NEK10: variants seen among roughly 807,000 people sequenced by gnomAD.
The protein encoded by NEK10 is NIMA related kinase 10.
NEK10 carries 122 observed loss-of-function variants against 159.8 expected under a neutral mutation model. The ratio of observed to expected loss-of-function variants is 0.76; its 90% CI spans 0.66 to 0.89. The LOEUF is 0.89. NEK10 is among the 40% of genes least tolerant of loss of function. NEK10 has a pLI of 0.00. For synonymous variants in NEK10, 466 were observed against 457.1 expected, an observed-to-expected ratio of 1.02 and a Z score of -0.25; for missense variants, 1,342 against 1,323.1, an observed-to-expected ratio of 1.01 and a Z score of -0.22.
chr3:27,344,279 T>A lies in NEK10; in HGVS notation c.355A>T (p.Ile119Leu). The change falls in exon 5 of 36, where the codon ATA (isoleucine) becomes TTA (leucine). Residue 119 changes from isoleucine (I) to leucine (L), a missense_variant. Ile to Leu is a conservative substitution (Grantham distance 5, BLOSUM62 2). Transcript: ENST00000691995. ...TTCCAGGAACAATCTTACCTGCTTATGAGTCTATTTTTCACCAAGGCGGTA... is the reference window on the plus strand; with the variant it reads ...TTCCAGGAACAATCTTACCTGCTTAAGAGTCTATTTTTCACCAAGGCGGTA... ...IFTALVKNRL[I>L]SREWVNRAPS... 3 of 1,545,690 alleles carry A rather than the reference T, an allele frequency of 1.9e-6. No individual in the cohort carries two copies. The highest frequency in any genetic ancestry group is 2.7e-6 in the Non-Finnish European group (3 of 1,122,908).
chr3:27,129,853 G>C (rs1385927413), intron 32 of NEK10, among the ~76,000 whole-genome samples: 1 of 151,296 alleles, frequency 6.6e-6, no homozygotes, highest in East Asian at 1.9e-4. Context: ...CATAGAGAAA[G>C]GTAAGATTAA....
At chr3:27,274,432 T>C (rs946578035) in intron 22 of NEK10, among the ~76,000 whole-genome samples, 3 of 152,148 alleles carry the variant, frequency 2.0e-5, no homozygotes, top group Non-Finnish European at 4.4e-5. Flanking sequence ...CAGACTCAAA[T>C]AGACACTGTA....
intron 6 of NEK10, among the ~76,000 whole-genome samples, chr3:27,318,996 C>T (rs1372268780): frequency 6.6e-6 from 1 of 152,060 alleles, no homozygotes; most frequent in Non-Finnish European, 1.5e-5. Flanking sequence ...CCAAAAAATG[C>T]TGAATAAATG....
chr3:27,122,324 G>A (rs142094552), intron 32 of NEK10, among the ~76,000 whole-genome samples: 96 of 152,310 alleles, frequency 6.3e-4, no homozygotes, highest in East Asian at 2.1e-3. Flanking sequence ...ATGTGGAACT[G>A]TGAGTCAATT....
intron 26 of NEK10, among the ~76,000 whole-genome samples, chr3:27,186,626 C>T (rs1189393709): frequency 6.6e-6 from 1 of 152,178 alleles, no homozygotes; most frequent in Non-Finnish European, 1.5e-5. Context: ...GCTTCATGAT[C>T]ATCATAACAC....
chr3:27,116,178 A>C, intron 33 of NEK10, 51 bp from the exon 34 acceptor site: 1 of 1,555,578 alleles, frequency 6.4e-7, no homozygotes, highest in East Asian at 2.3e-5. Context: ...ACATTTTCTT[A>C]GTTATTCTTT....
chr3:27,152,828 T>C (rs1371741607), intron 30 of NEK10, among the ~76,000 whole-genome samples: 2 of 152,114 alleles, frequency 1.3e-5, no homozygotes, highest in African/African-American at 4.8e-5. Flanking sequence ...AGGCATTTCA[T>C]GCAAATGGAC....
At chr3:27,179,298 A>T (rs910935120) in intron 26 of NEK10, among the ~76,000 whole-genome samples, 2 of 152,166 alleles carry the variant, frequency 1.3e-5, no homozygotes, top group African/African-American at 2.4e-5. Flanking sequence ...TATTTACACA[A>T]AGCTAAAAAT....
chr3:27,196,362 G>A (rs969252841), intron 25 of NEK10, among the ~76,000 whole-genome samples: 4 of 152,240 alleles, frequency 2.6e-5, no homozygotes, highest in East Asian at 3.9e-4. Context: ...TGAGTCTGCC[G>A]GTGCTCCCAG....
intron 30 of NEK10, among the ~76,000 whole-genome samples, chr3:27,144,706 A>G (rs1229727196): frequency 6.6e-6 from 1 of 152,076 alleles, no homozygotes. Context: ...AGATATTCTG[A>G]ATACTCATCC....
chr3:27,190,719 A>C (rs1255905345), intron 26 of NEK10, among the ~76,000 whole-genome samples: 3 of 152,218 alleles, frequency 2.0e-5, no homozygotes, highest in Non-Finnish European at 4.4e-5. Flanking sequence ...CAAATACCTA[A>C]GATATATAGA....
chr3:27,350,193 A>C (rs1406665657), intron 3 of NEK10, among the ~76,000 whole-genome samples: 1 of 152,140 alleles, frequency 6.6e-6, no homozygotes, highest in African/African-American at 2.4e-5. Context: ...AGTACTGAAA[A>C]TCTCCGAACC....
intron 22 of NEK10, among the ~76,000 whole-genome samples, chr3:27,281,771 G>A (rs189764085): frequency 3.3e-5 from 5 of 152,220 alleles, no homozygotes; most frequent in Admixed American, 2.6e-4. Context: ...CATGATAATG[G>A]CTGTGCAGCA....
Position 27,110,195 on chromosome 3 carries a change from G to A in NEK10, c.*1077C>T, listed in dbSNP as rs1939374766. 6.6e-6 allele frequency: 1 copy of A among 151,570 alleles called. No homozygotes were observed. The highest frequency in any genetic ancestry group is 1.5e-5 in the Non-Finnish European group (1 of 67,898). The allele number at this position is 151,570 out of a possible 1,614,324, so 9.4% of individuals were successfully genotyped here. On this transcript the variant is annotated 3_prime_UTR_variant, in exon 36 of 36. Coordinates refer to ENST00000691995, the MANE Select transcript of NEK10 (RefSeq NM_001394966.1). ...AGATTTCGCAATAAGGGTATTTCTT[G>A]ACATTACACCAGAGTTTTAAGAAGC... is the stretch of plus-strand genomic sequence containing the variant.
chr3:27,187,510 G>A (rs1948730233), intron 26 of NEK10, among the ~76,000 whole-genome samples: 1 of 152,088 alleles, frequency 6.6e-6, no homozygotes, highest in Non-Finnish European at 1.5e-5. Context: ...GGAAACCAAG[G>A]GAAGCGTAAG....
At chr3:27,356,614 T>C (rs551344080) in intron 1 of NEK10, among the ~76,000 whole-genome samples, 1 of 152,342 alleles carries the variant, frequency 6.6e-6, no homozygotes, top group Non-Finnish European at 1.5e-5. Flanking sequence ...AACTATATTC[T>C]TGCCTTAAGC....
intron 1 of NEK10, among the ~76,000 whole-genome samples, chr3:27,355,439 A>G (rs2048266756): frequency 6.6e-6 from 1 of 151,964 alleles, no homozygotes; most frequent in Admixed American, 6.6e-5. Context: ...CCCACCCCCT[A>G]GTAACAAATG....
At chr3:27,201,375 A>G (rs955873752) in intron 25 of NEK10, 135 bp downstream of exon 25, 10 of 731,050 alleles carry the variant, frequency 1.4e-5, no homozygotes, top group Non-Finnish European at 2.2e-5. Context: ...CTGATGATGC[A>G]CAAACATCTT....
At chr3:27,317,348 A>G (rs2045279526) in intron 6 of NEK10, among the ~76,000 whole-genome samples, 1 of 152,198 alleles carries the variant, frequency 6.6e-6, no homozygotes, top group Admixed American at 6.5e-5. Context: ...AGCTTAGATT[A>G]CAGCAATGCG....
Sources: gnomAD v4.1 joint callset for allele counts (sites outside exome capture counted in the v4.1 genomes callset) on GRCh38, gnomAD v4.1.1 for gene constraint, MANE v1.5 for transcripts, NCBI Gene and HGNC (gene_info 2026-07-23, HGNC 2026-07-21) for gene names.